Variants in ENTPD1 observed in about 807,000 individuals in gnomAD.
ENTPD1 encodes ATP diphosphohydrolase.
ENTPD1 carries 33 observed loss-of-function variants against 57.0 expected under a neutral mutation model. The ratio of observed to expected loss-of-function variants is 0.58; its 90% confidence interval spans 0.44 to 0.77. The LOEUF is 0.77. Ranked by LOEUF, ENTPD1 falls within the 30% of genes least tolerant of loss-of-function variation. The pLI, the probability that ENTPD1 is intolerant of heterozygous loss-of-function variation, is 0.00. For synonymous variants in ENTPD1, 202 were observed against 218.8 expected (o/e 0.92, Z 0.68); for missense variants, 501 against 603.4 (o/e 0.83, Z 1.78).
chr10:95,828,962 C>T (rs181801346), intron 2 of ENTPD1, among the ~76,000 whole-genome samples: 81 of 152,272 alleles, frequency 5.3e-4, no homozygotes, highest in African/African-American at 1.8e-3. Context: ...CTGCCCGCCT[C>T]GGCCTCCCAA....
intron 1 of ENTPD1, among the ~76,000 whole-genome samples, chr10:95,810,479 A>G (rs1054895749): frequency 3.6e-5 from 5 of 137,932 alleles, no homozygotes; most frequent in Non-Finnish European, 6.2e-5. Context: ...CACTTCCCGG[A>G]CAGGGCGGCC....
chr10:95,753,155 T>G (rs559929199), upstream of ENTPD1: 4 of 150,160 alleles, frequency 2.7e-5, no homozygotes, highest in South Asian at 8.4e-4. Context: ...GCAGTTTTAA[T>G]TTTCTACTTT....
At chr10:95,783,984 T>C (rs1027151688) in intron 1 of ENTPD1, among the ~76,000 whole-genome samples, 9 of 152,128 alleles carry the variant, frequency 5.9e-5, no homozygotes, top group African/African-American at 1.9e-4. Flanking sequence ...AGAAAATCTA[T>C]GCAAAAATAT....
intron 1 of ENTPD1, among the ~76,000 whole-genome samples, chr10:95,777,465 C>CTGCAGAACAGCAAATAT (rs551952129): frequency 6.6e-6 from 1 of 152,232 alleles, no homozygotes; most frequent in Non-Finnish European, 1.5e-5. Flanking sequence ...CCAGCAGAGG[C>CTGCAGAACAGCAAATAT]TGCAGAACAG....
In ENTPD1 at chr10:95,727,222, G is replaced by A. The variant is rs1369684138; in HGVS notation, c.37+15229G>A. Among the ~76,000 whole-genome samples the A allele has an allele frequency of 3.9e-5, 6 of 152,114 alleles. No homozygotes were observed. In the East Asian group the frequency reaches 1.2e-3, roughly 29 times the overall value. ...CACTGAATTTTCCCATTTATTTGAG[G>A]AGAAGGAAAGGAGAGACTCATTTAA... is the stretch of plus-strand genomic sequence containing the variant. On this transcript the variant is annotated intron_variant, in intron 1 of 9. Transcript: ENST00000453258.
intron 9 of ENTPD1, 22 bp downstream of exon 9, chr10:95,864,883 CTGGGGGGAGGT>C: frequency 4.4e-6 from 7 of 1,602,320 alleles, no homozygotes; most frequent in Non-Finnish European, 1.7e-6. Context: ...GCCTGTTGGG[CTGGGGGGAGGT>C]TGGGGTTCGG....
intron 2 of ENTPD1, chr10:95,833,906 T>TA (rs2098403273): frequency 6.6e-6 from 1 of 152,254 alleles, no homozygotes; most frequent in Non-Finnish European, 1.5e-5. Flanking sequence ...TTAATCCATT[T>TA]AAGAGGGCAG....
Position 95,847,605 on chromosome 10 carries a change from T to C in ENTPD1, c.973T>C (p.Cys325Arg). ...EIQGIGNYQQ[C>R]HQSILELFNT... ...CCAGGGTATTGGAAACTATCAACAA[T>C]GCCATCAAAGCATCCTGGAGCTCTT... Residue 325 changes from cysteine to arginine, a missense_variant, in exon 7 of 10, where the codon TGC becomes CGC. Coordinates refer to ENST00000371205, the MANE Select transcript of ENTPD1 (RefSeq NM_001776.6). The C allele has an allele frequency of 6.2e-7, 1 of 1,614,176 alleles. No individual in the cohort carries two copies. Among genetic ancestry groups the C allele is most frequent in the East Asian group, 2.2e-5 (1 of 44,876 alleles).
chr10:95,837,170 G>A (rs2140757953), intron 2 of ENTPD1, among the ~76,000 whole-genome samples: 1 of 152,302 alleles, frequency 6.6e-6, no homozygotes, highest in Middle Eastern at 3.4e-3. Flanking sequence ...CTGGTTCTTT[G>A]GCTCTATGGG....
At chr10:95,859,916 A>C (rs2140969855) in intron 7 of ENTPD1, among the ~76,000 whole-genome samples, 1 of 152,296 alleles carries the variant, frequency 6.6e-6, no homozygotes, top group African/African-American at 2.4e-5. Flanking sequence ...GATGATAATG[A>C]TTTTTAAAAA....
At chr10:95,807,573 A>G (rs535449968) in intron 1 of ENTPD1, among the ~76,000 whole-genome samples, 6 of 152,308 alleles carry the variant, frequency 3.9e-5, no homozygotes, top group African/African-American at 1.2e-4. Flanking sequence ...AAATGCAGAA[A>G]TCACCCATCT....
chr10:95,744,899 G>C (rs1041696592), intron 1 of ENTPD1, among the ~76,000 whole-genome samples: 3 of 151,678 alleles, frequency 2.0e-5, no homozygotes, highest in African/African-American at 7.3e-5. Context: ...TATCCCCTCT[G>C]CTTTACTTAT....
chr10:95,818,493 G>A (rs555070613), intron 1 of ENTPD1, among the ~76,000 whole-genome samples: 3 of 152,314 alleles, frequency 2.0e-5, no homozygotes, highest in African/African-American at 7.2e-5. Flanking sequence ...ATAGCCACAT[G>A]AAGGAGGGAT....
chr10:95,708,507 T>A (rs1321937363), upstream of ENTPD1, among the ~76,000 whole-genome samples: 1 of 152,174 alleles, frequency 6.6e-6, no homozygotes, highest in African/African-American at 2.4e-5. Context: ...CTGCTGCGCC[T>A]GGCCCAGAGA....
rs146105490 is a variant in ENTPD1 at position 95,838,376 on chromosome 10, A to G, written c.145-1315A>G. On this transcript the variant is annotated intron_variant, in intron 2 of 9. Coordinates refer to ENST00000371205, the MANE Select transcript of ENTPD1 (RefSeq NM_001776.6). ...GCATATGAATGTTTCTGGCAGCTAT[A>G]TTTCCAGTAGCCCCAAACTGGAAAT... 7.5e-3 allele frequency among the ~76,000 whole-genome samples: 1,136 copies of G among 152,346 alleles called. 19 individuals carry two copies. The highest frequency in any genetic ancestry group is 0.057 in the South Asian group (275 of 4,828).
intron 1 of ENTPD1, among the ~76,000 whole-genome samples, chr10:95,795,126 G>A (rs766795560): frequency 6.6e-6 from 1 of 152,174 alleles, no homozygotes; most frequent in Non-Finnish European, 1.5e-5. Context: ...AATCAGTTAG[G>A]AGTCTTCTGT....
At chr10:95,742,513 T>TTTC (rs962129518) in intron 1 of ENTPD1, among the ~76,000 whole-genome samples, 2 of 150,924 alleles carry the variant, frequency 1.3e-5, no homozygotes, top group African/African-American at 2.4e-5. Flanking sequence ...TCTTTTTCTT[T>TTTC]TTCTTCTTCT....
chr10:95,802,489 G>C (rs2098253863), intron 1 of ENTPD1, among the ~76,000 whole-genome samples: 1 of 151,776 alleles, frequency 6.6e-6, no homozygotes, highest in African/African-American at 2.4e-5. Context: ...TTAAGTTCTA[G>C]GGTACATGTG....
Position 95,842,426 on chromosome 10 carries a change from G to A in ENTPD1, c.345G>A (p.Val115=), listed in dbSNP as rs1273247282. The A allele has an allele frequency of 6.2e-7, 1 of 1,614,024 alleles. No individual in the cohort carries two copies. The highest frequency in any genetic ancestry group is 8.5e-7 in the Non-Finnish European group (1 of 1,180,036). ...LTDCMERARE[V]IPRSQHQETP... ...ATTGCATGGAAAGAGCTAGGGAAGTGATTCCAAGGTCCCAGCACCAAGAGA... is the reference window on the plus strand; with the variant it reads ...ATTGCATGGAAAGAGCTAGGGAAGTAATTCCAAGGTCCCAGCACCAAGAGA... The change falls in exon 4 of 10, where the codon GTG becomes GTA. Residue 115 remains valine, a synonymous_variant. Coordinates refer to ENST00000371205, the MANE Select transcript of ENTPD1 (RefSeq NM_001776.6).
Sources: allele counts gnomAD v4.1 joint callset (sites outside exome capture counted in the v4.1 genomes callset), GRCh38; gene constraint gnomAD v4.1.1; transcripts MANE v1.5; gene names NCBI Gene and HGNC (gene_info 2026-07-23, HGNC 2026-07-21).